CFAP251: variants seen among roughly 807,000 people sequenced by gnomAD.
The protein encoded by CFAP251 is cilia- and flagella-associated protein 251.
In CFAP251, 93 loss-of-function variants were observed where a neutral mutation model predicts 126.7. That is an observed-to-expected ratio of 0.73 (90% CI 0.62 to 0.87). CFAP251 has a LOEUF of 0.87. Ranked by LOEUF, CFAP251 falls within the 40% of genes least tolerant of loss-of-function variation. CFAP251 has a pLI of 0.00. For synonymous variants in CFAP251, 503 were observed against 506.9 expected (o/e 0.99, Z 0.10); for missense variants, 1,287 against 1,389.2 (o/e 0.93, Z 1.17).
At chr12:121,968,906 G>A (rs952662548) in intron 17 of CFAP251, 7 of 985,298 alleles carry the variant, frequency 7.1e-6, no homozygotes, top group Non-Finnish European at 8.4e-6. Context: ...TATGAGCTCA[G>A]AATCTTCCCT....
At position 121,968,174 on chromosome 12, in the gene CFAP251, A is replaced by G; in HGVS notation, c.2771+5A>G. ...GCAGTGGAAAATCACCTTAAGGTAC[A>G]CGATGGGGCGAGAAGGAAGGTATCA... On this transcript the variant is annotated splice_donor_5th_base_variant and intron_variant, in intron 17 of 21. Transcript: ENST00000288912. 6.3e-7 allele frequency: 1 copy of G among 1,594,454 alleles called. No individual in the cohort carries two copies. Among genetic ancestry groups the G allele is most frequent in the Non-Finnish European group, 8.6e-7 (1 of 1,165,426 alleles).
At position 121,957,092 on chromosome 12, in the gene CFAP251, C is replaced by T; in HGVS notation, c.1554C>T (p.Asp518=). The change falls in exon 11 of 22, where the codon GAC becomes GAT. Residue 518 remains aspartate, a synonymous_variant. Coordinates refer to ENST00000288912, the MANE Select transcript of CFAP251 (RefSeq NM_144668.6). ...ATTTCAGCTACATTGTCACAGGTGACATTAAGGGGAACATTAAGTTCTATG... is the reference window on the plus strand; with the variant it reads ...ATTTCAGCTACATTGTCACAGGTGATATTAAGGGGAACATTAAGTTCTATG... ...TTIDSYIVTG[D]IKGNIKFYDH... The T allele has an allele frequency of 6.3e-7, 1 of 1,598,976 alleles. No homozygotes were observed.
intron 19 of CFAP251, among the ~76,000 whole-genome samples, chr12:121,988,410 C>T (rs1188334203): frequency 6.6e-6 from 1 of 152,144 alleles, no homozygotes; most frequent in East Asian, 1.9e-4. Context: ...CCTTCAACCA[C>T]CGATGTGCTT....
At chr12:121,943,863 C>T (rs1881220817) in intron 7 of CFAP251, among the ~76,000 whole-genome samples, 1 of 152,116 alleles carries the variant, frequency 6.6e-6, no homozygotes, top group Non-Finnish European at 1.5e-5. Flanking sequence ...TGCAAACATG[C>T]TAGCAAAAAA....
In CFAP251 at chr12:121,961,857, C is replaced by T. The variant is rs1881949966; in HGVS notation, c.2308-121C>T. On this transcript the variant is annotated intron_variant, in intron 14 of 21. Transcript: ENST00000288912. Reference sequence around the variant, plus strand: ...TCTCTTAGGAGACCTGATACCGTCTCCCCCAGAACAGCACTGTTGGCTGAT... The same window carrying T: ...TCTCTTAGGAGACCTGATACCGTCTTCCCCAGAACAGCACTGTTGGCTGAT... The T allele has an allele frequency of 5.0e-6, 5 of 1,009,342 alleles. No individual in the cohort carries two copies. The South Asian group carries it at 6.4e-5, about 13-fold the overall frequency. The allele number at this position is 1,009,342 out of a possible 1,614,324, so 62.5% of individuals were successfully genotyped here.
At position 121,962,034 on chromosome 12, in the gene CFAP251, C is replaced by G. The variant is rs775117157; in HGVS notation, c.2364C>G (p.His788Gln). ...ACCACCTGGAAGTCCTGGACATTCA[C>G]CACACCGACCAGGGCTGCTATCCCA... is the stretch of plus-strand genomic sequence containing the variant. ...YKDHLEVLDI[H>Q]HTDQGCYPTC... Residue 788 changes from histidine (H) to glutamine (Q), a missense_variant, in exon 15 of 22, where the codon CAC (histidine) becomes CAG (glutamine). By Grantham distance (24) the His-to-Gln change is conservative. Coordinates refer to ENST00000288912, the MANE Select transcript of CFAP251 (RefSeq NM_144668.6). 1.9e-6 allele frequency: 3 copies of G among 1,613,940 alleles called. No homozygotes were observed. The highest frequency in any genetic ancestry group is 2.7e-5 in the African/African-American group (2 of 75,032).
At chr12:121,958,157 A>G (rs1340003956) in intron 11 of CFAP251, 115 bp from the exon 12 acceptor site, 7 of 1,442,700 alleles carry the variant, frequency 4.9e-6, no homozygotes, top group Non-Finnish European at 6.6e-6. Flanking sequence ...TTGGGTTAAT[A>G]ATGTCACTAA....
At chr12:121,960,111 C>T (rs1407502038) in intron 13 of CFAP251, among the ~76,000 whole-genome samples, 3 of 151,918 alleles carry the variant, frequency 2.0e-5, no homozygotes, top group Non-Finnish European at 4.4e-5. Context: ...CTAGCCTGGG[C>T]AACAGATCAA....
intron 19 of CFAP251, chr12:121,992,284 G>T (rs75050606): frequency 2.0e-6 from 2 of 985,402 alleles, no homozygotes; most frequent in South Asian, 4.7e-5. Flanking sequence ...CCTTTTCAAC[G>T]AACACTTGCG....
intron 3 of CFAP251, among the ~76,000 whole-genome samples, chr12:121,931,099 C>T (rs1439533979): frequency 6.6e-6 from 1 of 152,084 alleles, no homozygotes; most frequent in African/African-American, 2.4e-5. Flanking sequence ...AACTTGTCTA[C>T]TCTACATGCT....
At chr12:121,955,320 C>G (rs931388525) in intron 10 of CFAP251, among the ~76,000 whole-genome samples, 3 of 151,948 alleles carry the variant, frequency 2.0e-5, no homozygotes, top group African/African-American at 7.3e-5. Context: ...AATATTTACC[C>G]ATTGTGAGAA....
intron 19 of CFAP251, among the ~76,000 whole-genome samples, chr12:121,983,753 A>AG (rs1565922202): frequency 6.6e-6 from 1 of 151,762 alleles, no homozygotes; most frequent in Non-Finnish European, 1.5e-5. Context: ...AAAAAAAAAA[A>AG]CGTTTCCTCT....
At chr12:121,992,041 G>T (rs1308799944) in intron 19 of CFAP251, among the ~76,000 whole-genome samples, 1 of 152,148 alleles carries the variant, frequency 6.6e-6, no homozygotes, top group African/African-American at 2.4e-5. Flanking sequence ...CCTCAGAACT[G>T]TTTAAGCTCT....
At chr12:121,990,880 A>G (rs1882861502) in intron 19 of CFAP251, among the ~76,000 whole-genome samples, 1 of 152,208 alleles carries the variant, frequency 6.6e-6, no homozygotes. Context: ...CCTTGTGTAT[A>G]TCGTCTCTTG....
At chr12:121,973,139 G>GAA (rs1882377905) in intron 17 of CFAP251, among the ~76,000 whole-genome samples, 1 of 152,206 alleles carries the variant, frequency 6.6e-6, no homozygotes, top group Non-Finnish European at 1.5e-5. Flanking sequence ...CTAGGGACTT[G>GAA]GTGCCCGGCA....
chr12:121,942,830 G>A (rs1233445696), intron 6 of CFAP251, 65 bp from the exon 7 acceptor site: 1 of 1,562,300 alleles, frequency 6.4e-7, no homozygotes, highest in East Asian at 2.2e-5. Context: ...CACCACAAGA[G>A]GTGTAAGTTA....
intron 19 of CFAP251, chr12:121,999,465 TC>T (rs1883099810): frequency 3.7e-6 from 1 of 268,164 alleles, no homozygotes; most frequent in African/African-American, 2.2e-5. Context: ...AACCTCAACT[TC>T]CAGGGTTCAA....
At chr12:121,995,788 G>T (rs935950823) in intron 19 of CFAP251, among the ~76,000 whole-genome samples, 2 of 152,164 alleles carry the variant, frequency 1.3e-5, no homozygotes, top group Non-Finnish European at 2.9e-5. Flanking sequence ...GCCTGACCTG[G>T]AATGTTGCAT....
At position 121,991,882 on chromosome 12, in the gene CFAP251, A is replaced by G. The variant is rs185728586; in HGVS notation, c.3007-7834A>G. Among the ~76,000 whole-genome samples, 748 of 152,234 alleles carry G rather than the reference A, an allele frequency of 4.9e-3. 9 individuals are homozygous for G. The highest frequency in any genetic ancestry group is 0.017 in the African/African-American group (720 of 41,554). On this transcript the variant is annotated intron_variant, in intron 19 of 21. Transcript: ENST00000288912. ...GTGGCGCGCGCCTGTAGTCCCAGCT[A>G]CTTGGGAGGCTGAGGCAGGAGAATT...
Sources: gnomAD v4.1 joint callset for allele counts (sites outside exome capture counted in the v4.1 genomes callset) on GRCh38, gnomAD v4.1.1 for gene constraint, MANE v1.5 for transcripts, NCBI Gene and HGNC (gene_info 2026-07-23, HGNC 2026-07-21) for gene names.